The following CEP43 variants were observed in gnomAD, a reference collection of about 807,000 sequenced individuals.
CEP43 encodes the protein FGFR1 oncogene partner.
CEP43 carries 36 observed loss-of-function variants against 52.6 expected under a neutral mutation model. The ratio of observed to expected loss-of-function variants is 0.68; its 90% confidence interval spans 0.52 to 0.90. The LOEUF (loss-of-function observed/expected upper bound fraction) is 0.90. Ranked by LOEUF, CEP43 falls within the 40% of genes least tolerant of loss-of-function variation. CEP43 has a pLI of 0.00. For missense variants in CEP43, 506 were observed against 472.8 expected, an observed-to-expected ratio of 1.07 and a Z score of -0.65; for synonymous variants, 192 against 172.4, an observed-to-expected ratio of 1.11 and a Z score of -0.89.
intron 7 of CEP43, among the ~76,000 whole-genome samples, chr6:167,019,129 T>C (rs1325845208): frequency 6.6e-6 from 1 of 152,204 alleles, no homozygotes; most frequent in Non-Finnish European, 1.5e-5. Flanking sequence ...TTGGATATTG[T>C]GTTTTTGCAC....
chr6:167,042,076 TA>T lies in CEP43; in HGVS notation c.*2101del. The T allele has an allele frequency of 1.1e-6, 1 of 932,184 alleles. No individual in the cohort carries two copies. Among genetic ancestry groups the T allele is most frequent in the Non-Finnish European group, 1.3e-6 (1 of 774,918 alleles). 57.7% of individuals were successfully genotyped at this position (932,184 alleles called of 1,614,324 possible). ...TGACCTCGTTCCTGCCTTAGCCTCC[TA>T]AAGTGCCGGGATTACAGGCGTGAAC... On this transcript the variant is annotated 3_prime_UTR_variant, in exon 13 of 13. Transcript: ENST00000366847.
chr6:167,004,490 G>T, intron 5 of CEP43, 89 bp downstream of exon 5: 1 of 1,102,302 alleles, frequency 9.1e-7, no homozygotes, highest in South Asian at 2.6e-5. Context: ...AGTAAATTAA[G>T]GTTTTCATAC....
In CEP43 at chr6:167,040,394, C is replaced by A; in HGVS notation, c.*416C>A. The A allele has an allele frequency of 7.5e-7, 1 of 1,339,612 alleles. No individual in the cohort carries two copies. Among genetic ancestry groups the A allele is most frequent in the East Asian group, 3.0e-5 (1 of 33,514 alleles). The allele number at this position is 1,339,612 out of a possible 1,614,324, so 83.0% of individuals were successfully genotyped here. On this transcript the variant is annotated 3_prime_UTR_variant, in exon 13 of 13. Coordinates refer to ENST00000366847, the MANE Select transcript of CEP43 (RefSeq NM_007045.4). ...TAGCCCTCTGGAATCAGAGCTTACC[C>A]ACCATAGTATATTTTGATATTAGGT...
chr6:167,004,270 G>A lies in CEP43; in HGVS notation c.307G>A (p.Gly103Ser). ...VFQPETSTLQ[G>S]LEGRENLARD... ...ATTTTAACTTCTTTTCTAGCTGCAA[G>A]GTCTCGAAGGTCGAGAGAATTTAGC... The change falls in exon 5 of 13, where the codon GGT becomes AGT. Residue 103 changes from glycine to serine, a missense_variant. Transcript: ENST00000366847. 6.3e-7 allele frequency: 1 copy of A among 1,595,564 alleles called. No individual in the cohort carries two copies. Among genetic ancestry groups the A allele is most frequent in the Non-Finnish European group, 8.5e-7 (1 of 1,173,206 alleles).
At position 167,041,008 on chromosome 6, in the gene CEP43, T is replaced by A; in HGVS notation, c.*1030T>A. The A allele has an allele frequency of 9.7e-7, 1 of 1,027,132 alleles. No homozygotes were observed. Among genetic ancestry groups the A allele is most frequent in the Non-Finnish European group, 1.2e-6 (1 of 854,382 alleles). The allele number at this position is 1,027,132 out of a possible 1,614,324, so 63.6% of individuals were successfully genotyped here. ...TTTATAATACTAAAGTATTTTAAAA[T>A]GTGCAAGTAGAAAAAACAGTAGAAA... On this transcript the variant is annotated 3_prime_UTR_variant, in exon 13 of 13. Coordinates refer to ENST00000366847, the MANE Select transcript of CEP43 (RefSeq NM_007045.4).
intron 10 of CEP43, among the ~76,000 whole-genome samples, chr6:167,030,737 C>T (rs1341629401): frequency 6.6e-6 from 1 of 152,162 alleles, no homozygotes; most frequent in East Asian, 1.9e-4. Context: ...TTCTGCTTTC[C>T]TTACTTTCAT....
At chr6:167,028,378 T>C in intron 10 of CEP43, 1 of 985,412 alleles carries the variant, frequency 1.0e-6, no homozygotes. Context: ...TCTTGGGACT[T>C]AGGCATATCT....
chr6:167,027,971 C>G, intron 10 of CEP43: 4 of 986,100 alleles, frequency 4.1e-6, no homozygotes, highest in Non-Finnish European at 4.8e-6. Context: ...TTTGTGCGTC[C>G]TGGTTGCTGG....
Position 167,033,183 on chromosome 6 carries a change from T to C in CEP43, c.1028+541T>C, listed in dbSNP as rs9356553. On this transcript the variant is annotated intron_variant, in intron 11 of 12. Transcript: ENST00000366847. ...TGGAGTGCAGTGGTGCGATCTGGGC[T>C]CACTGCAACCTCCTTCTCCCGGGTT... is the stretch of plus-strand genomic sequence containing the variant. Among the ~76,000 whole-genome samples the C allele has an allele frequency of 2.0e-4, 26 of 132,234 alleles. No homozygotes were observed. In the East Asian group the frequency reaches 5.7e-3, roughly 29 times the overall value. The allele number at this position is 132,234 out of a possible 152,430, so 86.8% of individuals were successfully genotyped here. A position where few individuals can be genotyped will look rare whatever the true frequency, so the allele number is the denominator to read the frequency against.
chr6:167,026,849 C>T (rs536562635), intron 10 of CEP43, among the ~76,000 whole-genome samples: 85 of 152,234 alleles, frequency 5.6e-4, no homozygotes, highest in Non-Finnish European at 8.5e-4. Flanking sequence ...AAATTCTGGT[C>T]AGGAATATGA....
intron 5 of CEP43, among the ~76,000 whole-genome samples, chr6:167,008,377 G>A (rs1014970630): frequency 2.6e-5 from 4 of 152,118 alleles, no homozygotes; most frequent in South Asian, 2.1e-4. Context: ...CAAAGTTGTA[G>A]TAGTGATCTG....
intron 5 of CEP43, among the ~76,000 whole-genome samples, chr6:167,005,894 T>C (rs1303638580): frequency 2.0e-5 from 3 of 152,196 alleles, no homozygotes; most frequent in Non-Finnish European, 2.9e-5. Context: ...GTGCTTTGGC[T>C]CACCTCATTG....
At chr6:167,003,412 A>G in intron 3 of CEP43, 165 bp downstream of exon 3, 3 of 507,850 alleles carry the variant, frequency 5.9e-6, no homozygotes, top group African/African-American at 2.0e-5. Context: ...GCTATTACAT[A>G]TTTTTGGATT....
In CEP43 at chr6:167,020,112, A is replaced by G. The variant is rs371909997; in HGVS notation, c.580-2297A>G. 1.5e-3 allele frequency among the ~76,000 whole-genome samples: 227 copies of G among 152,388 alleles called. 1 individual carries two copies. Among genetic ancestry groups the G allele is most frequent in the Admixed American group, 3.8e-3 (58 of 15,304 alleles). On this transcript the variant is annotated intron_variant, in intron 7 of 12. Transcript: ENST00000366847. ...AGAAATTACAACTGCTGTGAATTAC[A>G]TAATATTTTTCTATATTTGATAATA...
Position 167,013,803 on chromosome 6 carries a change from G to A in CEP43, c.579+236G>A, listed in dbSNP as rs963169053. ...ATCCTGGCCAACATGGTGAAACCCC[G>A]CCTCTACTAAAATACAAAAATTAGC... is the stretch of plus-strand genomic sequence containing the variant. On this transcript the variant is annotated intron_variant, in intron 7 of 12. Coordinates refer to ENST00000366847, the MANE Select transcript of CEP43 (RefSeq NM_007045.4). 7.2e-5 allele frequency among the ~76,000 whole-genome samples: 11 copies of A among 152,236 alleles called. No homozygotes were observed. The East Asian group carries it at 7.7e-4, about 11-fold the overall frequency.
At position 167,052,195 on chromosome 6, in the gene CEP43, C is replaced by A. The variant is rs570254433; in HGVS notation, c.*12217C>A. On this transcript the variant is annotated 3_prime_UTR_variant, in exon 13 of 13. Coordinates refer to ENST00000366847, the MANE Select transcript of CEP43 (RefSeq NM_007045.4). ...CCAGTGAGATAGAAACACATTTCTTCTTTATAGCTCTAGGTCCTCTTCACT... is the reference window on the plus strand; with the variant it reads ...CCAGTGAGATAGAAACACATTTCTTATTTATAGCTCTAGGTCCTCTTCACT... 2.6e-5 allele frequency: 4 copies of A among 152,282 alleles called. No individual in the cohort carries two copies. Among genetic ancestry groups the A allele is most frequent in the African/African-American group, 7.2e-5 (3 of 41,564 alleles). The allele number at this position is 152,282 out of a possible 1,614,324, so 9.4% of individuals were successfully genotyped here.
At chr6:167,004,035 A>G (rs1015414372) in intron 4 of CEP43, 7 of 593,276 alleles carry the variant, frequency 1.2e-5, no homozygotes, top group East Asian at 8.5e-5. Flanking sequence ...AAGTGTTACT[A>G]TAGAGTTAAT....
chr6:167,009,846 A>AAGAT (rs138821171), intron 5 of CEP43, among the ~76,000 whole-genome samples: 3,069 of 146,344 alleles, frequency 0.021, 47 homozygotes, highest in East Asian at 0.09. Flanking sequence ...AAAAAAAAGA[A>AAGAT]AAATAAAAGA....
intron 5 of CEP43, 115 bp downstream of exon 5, chr6:167,004,516 A>T: frequency 1.2e-6 from 1 of 864,192 alleles, no homozygotes; most frequent in Non-Finnish European, 1.6e-6. Flanking sequence ...GATATTCCTT[A>T]AAAACAAAAT....
Sources: allele counts gnomAD v4.1 joint callset (sites outside exome capture counted in the v4.1 genomes callset), GRCh38; gene constraint gnomAD v4.1.1; transcripts MANE v1.5; gene names NCBI Gene and HGNC (gene_info 2026-07-23, HGNC 2026-07-21).